The following DMP1 variants were observed in gnomAD, a reference collection of about 807,000 sequenced individuals.
The protein encoded by DMP1 is dentin matrix protein 1.
Under a neutral mutation model 14.6 loss-of-function variants are expected in DMP1, and 20 were observed. That is an observed-to-expected ratio of 1.37 (90% CI 0.96 to 1.99). The LOEUF (loss-of-function observed/expected upper bound fraction) is 1.99. Among genes scored for constraint, DMP1 ranks in the 30% most tolerant of loss-of-function variants. DMP1 has a pLI of 0.00. For synonymous variants in DMP1, 197 were observed against 215.3 expected (o/e 0.91, Z 0.75); for missense variants, 567 against 620.5 (o/e 0.91, Z 0.92).
At chr4:87,654,165 G>C (rs948716623) in intron 1 of DMP1, among the ~76,000 whole-genome samples, 1 of 152,114 alleles carries the variant, frequency 6.6e-6, no homozygotes, top group African/African-American at 2.4e-5. Context: ...TAAACTAGGG[G>C]GGTCAGAGAA....
intron 1 of DMP1, among the ~76,000 whole-genome samples, chr4:87,653,178 A>G (rs1389669466): frequency 6.6e-6 from 1 of 151,694 alleles, no homozygotes; most frequent in Non-Finnish European, 1.5e-5. Context: ...CAAATTAAGA[A>G]TAACTATGCT....
intron 1 of DMP1, among the ~76,000 whole-genome samples, chr4:87,653,573 G>A (rs866999434): frequency 6.6e-6 from 1 of 150,926 alleles, no homozygotes; most frequent in Non-Finnish European, 1.5e-5. Context: ...CTACAGGCAC[G>A]TGCCACCAAG....
chr4:87,651,918 A>G (rs1370486777), intron 1 of DMP1, among the ~76,000 whole-genome samples: 1 of 152,202 alleles, frequency 6.6e-6, no homozygotes, highest in African/African-American at 2.4e-5. Context: ...AAGAAGATAT[A>G]TATTTTACAA....
chr4:87,659,441 A>T lies in DMP1; in HGVS notation c.146A>T (p.Glu49Val). ...QAPTPPLESS[E>V]SSEGSKVSSE... ...TTTTTCCCCTTTCAGGAGAGCAGTG[A>T]GTCATCAGAAGGCAGTAAAGTTAGC... Residue 49 changes from glutamate (E) to valine (V), a missense_variant, in exon 5 of 6, where the codon GAG (glutamate) becomes GTG (valine). Coordinates refer to ENST00000339673, the MANE Select transcript of DMP1 (RefSeq NM_004407.4). 1 of 1,614,118 alleles carries T rather than the reference A, an allele frequency of 6.2e-7. No homozygotes were observed. Among genetic ancestry groups the T allele is most frequent in the Non-Finnish European group, 8.5e-7 (1 of 1,179,968 alleles).
chr4:87,654,762 G>C (rs1728637873), intron 1 of DMP1, among the ~76,000 whole-genome samples: 1 of 152,222 alleles, frequency 6.6e-6, no homozygotes, highest in Non-Finnish European at 1.5e-5. Flanking sequence ...CTCATGCTCA[G>C]TGAATCTGCA....
At chr4:87,657,969 A>G (rs1728746916) in intron 3 of DMP1, among the ~76,000 whole-genome samples, 1 of 152,194 alleles carries the variant, frequency 6.6e-6, no homozygotes, top group Admixed American at 6.5e-5. Flanking sequence ...TAGACTTTGC[A>G]GTATTTATTA....
chr4:87,661,512 G>A (rs954108011), intron 5 of DMP1, among the ~76,000 whole-genome samples: 3 of 151,522 alleles, frequency 2.0e-5, no homozygotes, highest in Non-Finnish European at 2.9e-5. Flanking sequence ...GTGAGCCACC[G>A]CGCCCGGCCT....
chr4:87,653,840 T>C (rs1206803467), intron 1 of DMP1, among the ~76,000 whole-genome samples: 4 of 152,100 alleles, frequency 2.6e-5, no homozygotes, highest in Admixed American at 6.6e-5. Flanking sequence ...GAAGGTTTGC[T>C]GAAAATCAAC....
intron 1 of DMP1, 63 bp from the exon 2 acceptor site, chr4:87,656,409 T>G: frequency 1.1e-6 from 1 of 946,934 alleles, no homozygotes; most frequent in South Asian, 1.3e-5. Context: ...AAGAAACTGT[T>G]AAAAAGTTGA....
chr4:87,660,497 A>G (rs1728829479), intron 5 of DMP1, among the ~76,000 whole-genome samples: 2 of 152,224 alleles, frequency 1.3e-5, no homozygotes, highest in Non-Finnish European at 2.9e-5. Context: ...GCATATACAC[A>G]AGTACTCCCA....
chr4:87,655,903 TCTC>T (rs1728676686), intron 1 of DMP1, among the ~76,000 whole-genome samples: 1 of 152,202 alleles, frequency 6.6e-6, no homozygotes, highest in Non-Finnish European at 1.5e-5. Context: ...CGTTTGTACA[TCTC>T]CTCATTGAAA....
intron 1 of DMP1, among the ~76,000 whole-genome samples, chr4:87,652,974 T>G (rs1319552907): frequency 6.6e-6 from 1 of 152,162 alleles, no homozygotes; most frequent in Non-Finnish European, 1.5e-5. Context: ...ACCTAACACA[T>G]TTTTTAAAAA....
chr4:87,662,390 T>C lies in DMP1; in HGVS notation c.612T>C (p.His204=). The change falls in exon 6 of 6, where the codon CAT becomes CAC. Residue 204 remains histidine, a synonymous_variant. Transcript: ENST00000339673. ...VGGGSDGESS[H]GDGSELDDEG... is the part of the protein sequence containing the mutation. ...GTGGCAGTGATGGGGAGAGCAGCCA[T>C]GGAGACGGCTCCGAGTTGGACGATG... 2 of 1,614,036 alleles carry C rather than the reference T, an allele frequency of 1.2e-6. No homozygotes were observed. Among genetic ancestry groups the C allele is most frequent in the South Asian group, 1.1e-5 (1 of 91,076 alleles).
chr4:87,659,555 C>A (rs184531926), intron 5 of DMP1, 77 bp downstream of exon 5: 2 of 1,324,676 alleles, frequency 1.5e-6, no homozygotes, highest in Non-Finnish European at 2.2e-6. Context: ...AATTACCTGG[C>A]GACAGTTCTA....
Position 87,655,516 on chromosome 4 carries a change from T to C in DMP1, c.-21-956T>C, listed in dbSNP as rs1728661482. 2.6e-5 allele frequency among the ~76,000 whole-genome samples: 4 copies of C among 152,200 alleles called. No individual in the cohort carries two copies. The South Asian group carries it at 8.3e-4, about 32-fold the overall frequency. On this transcript the variant is annotated intron_variant, in intron 1 of 5. Transcript: ENST00000339673. The stretch of plus-strand genomic sequence containing the variant: ...ATTTAGCATAATTATGTATAATGTA[T>C]GACTAAACGTGTCACAGTAGATATT...
At chr4:87,659,768 C>T (rs998998026) in intron 5 of DMP1, among the ~76,000 whole-genome samples, 1 of 152,192 alleles carries the variant, frequency 6.6e-6, no homozygotes, top group East Asian at 1.9e-4. Flanking sequence ...CACACACTCA[C>T]AAATGGTCAT....
rs770363297 is a variant in DMP1 at position 87,657,112 on chromosome 4, A to T, written c.102+33A>T. On this transcript the variant is annotated intron_variant, in intron 3 of 5. Coordinates refer to ENST00000339673, the MANE Select transcript of DMP1 (RefSeq NM_004407.4). Reference sequence around the variant, plus strand: ...GAAATATGACTTTTTGAAATATTTTAATTTTAATTTATTATGAGTATAACC... The same window carrying T: ...GAAATATGACTTTTTGAAATATTTTTATTTTAATTTATTATGAGTATAACC... 20 of 1,275,124 alleles carry T rather than the reference A, an allele frequency of 1.6e-5. No homozygotes were observed. The South Asian group carries it at 2.5e-4, about 16-fold the overall frequency. 79.0% of individuals were successfully genotyped at this position (1,275,124 alleles called of 1,614,324 possible). A position where few individuals can be genotyped will look rare whatever the true frequency, so the allele number is the denominator to read the frequency against.
chr4:87,657,335 T>C lies in DMP1; in HGVS notation c.102+256T>C, dbSNP rs1545735. On this transcript the variant is annotated intron_variant, in intron 3 of 5. Transcript: ENST00000339673. ...GTACCAGGGGATGCATGACAATGAA[T>C]CAAGAGTCTTCAGGAGAGATTATGA... 169,952 of 295,536 alleles carry C rather than the reference T, an allele frequency of 0.58. 51,130 individuals carry two copies. Among genetic ancestry groups the C allele is most frequent in the African/African-American group, 0.81 (37,580 of 46,238 alleles). 18.3% of individuals were successfully genotyped at this position (295,536 alleles called of 1,614,324 possible).
chr4:87,656,524 G>T lies in DMP1; in HGVS notation c.32G>T (p.Trp11Leu). The change falls in exon 2 of 6, where the codon TGG becomes TTG. Residue 11 changes from tryptophan to leucine, a missense_variant. Transcript: ENST00000339673. ...ATCAGCATCCTGCTCATGTTCCTTT[G>T]GGGATTATCCTGTGCTCTCCCAGTA... Reference protein sequence around the residue: MKISILLMFLWGLSCALPVTR... With the variant: MKISILLMFLLGLSCALPVTR... 6.2e-7 allele frequency: 1 copy of T among 1,610,458 alleles called. No individual in the cohort carries two copies. Among genetic ancestry groups the T allele is most frequent in the Non-Finnish European group, 8.5e-7 (1 of 1,176,814 alleles).
Sources: gnomAD v4.1 joint callset for allele counts (sites outside exome capture counted in the v4.1 genomes callset) on GRCh38, gnomAD v4.1.1 for gene constraint, MANE v1.5 for transcripts, NCBI Gene and HGNC (gene_info 2026-07-23, HGNC 2026-07-21) for gene names.